PDE4B: variants seen among roughly 807,000 people sequenced by gnomAD.
PDE4B encodes 3',5'-cyclic-AMP phosphodiesterase 4B.
A neutral mutation model predicts 82.2 loss-of-function variants in PDE4B; 20 were observed. The observed-to-expected ratio is 0.24, with a 90% confidence interval of 0.17 to 0.35. The LOEUF is 0.35. Among genes scored for constraint, PDE4B ranks in the 10% least tolerant of loss-of-function variants. The pLI is 1.00. For missense variants in PDE4B, 655 were observed against 907.2 expected (o/e 0.72, Z 3.57); for synonymous variants, 320 against 318.9 (o/e 1.00, Z -0.04).
intron 3 of PDE4B, among the ~76,000 whole-genome samples, chr1:65,941,148 G>A (rs1157230095): frequency 6.6e-6 from 1 of 151,994 alleles, no homozygotes; most frequent in Non-Finnish European, 1.5e-5. Context: ...CCAGCAGACA[G>A]GTCCTAGAGG....
At chr1:65,815,401 A>G (rs1645871407) in intron 1 of PDE4B, among the ~76,000 whole-genome samples, 1 of 152,134 alleles carries the variant, frequency 6.6e-6, no homozygotes, top group African/African-American at 2.4e-5. Context: ...CAGTTTGGGA[A>G]TAGAAATTGA....
intron 1 of PDE4B, among the ~76,000 whole-genome samples, chr1:65,896,416 A>G (rs1646911371): frequency 6.6e-6 from 1 of 152,116 alleles, no homozygotes; most frequent in African/African-American, 2.4e-5. Flanking sequence ...CCCATGACAT[A>G]TGGGAATTAT....
chr1:66,082,952 C>G (rs945676817), intron 3 of PDE4B, among the ~76,000 whole-genome samples: 1 of 151,974 alleles, frequency 6.6e-6, no homozygotes, highest in African/African-American at 2.4e-5. Flanking sequence ...TAGGCTTGAC[C>G]TTTGACTCAT....
intron 3 of PDE4B, among the ~76,000 whole-genome samples, chr1:65,986,742 A>G (rs1356858713): frequency 6.6e-6 from 1 of 152,218 alleles, no homozygotes; most frequent in African/African-American, 2.4e-5. Context: ...AAATTTCAGG[A>G]GGAGTAAACA....
At chr1:65,881,623 A>T (rs899557678) in intron 1 of PDE4B, among the ~76,000 whole-genome samples, 1 of 152,132 alleles carries the variant, frequency 6.6e-6, no homozygotes, top group Admixed American at 6.6e-5. Context: ...TCTTGTCTAT[A>T]ATTGCCAATA....
intron 3 of PDE4B, among the ~76,000 whole-genome samples, chr1:66,165,515 TA>T (rs201763186): frequency 1.1e-4 from 16 of 150,312 alleles, no homozygotes; most frequent in South Asian, 2.1e-4. Context: ...ATACACAAAC[TA>T]AAAAAAAACT....
intron 3 of PDE4B, among the ~76,000 whole-genome samples, chr1:66,065,896 G>A (rs996545058): frequency 8.6e-5 from 13 of 151,782 alleles, no homozygotes; most frequent in Non-Finnish European, 1.3e-4. Flanking sequence ...TTAGTCCTCC[G>A]CTTAGGTGCT....
At chr1:66,336,891 G>A (rs1660564008) in intron 8 of PDE4B, among the ~76,000 whole-genome samples, 4 of 152,188 alleles carry the variant, frequency 2.6e-5, no homozygotes, top group Admixed American at 2.6e-4. Flanking sequence ...TCTTGGGTTT[G>A]CAGGATAAAG....
chr1:66,144,689 A>G (rs1411413114), intron 3 of PDE4B, among the ~76,000 whole-genome samples: 1 of 152,224 alleles, frequency 6.6e-6, no homozygotes, highest in Non-Finnish European at 1.5e-5. Context: ...TGAGCTCCAA[A>G]AGACTTCTGG....
chr1:66,087,881 G>C (rs938193201), intron 3 of PDE4B, among the ~76,000 whole-genome samples: 4 of 108,146 alleles, frequency 3.7e-5, no homozygotes, highest in East Asian at 3.3e-4. Context: ...GGTGGGGGGA[G>C]GGGGGAGGGA....
chr1:66,305,827 T>A (rs1658233912), intron 7 of PDE4B, among the ~76,000 whole-genome samples: 1 of 152,186 alleles, frequency 6.6e-6, no homozygotes, highest in African/African-American at 2.4e-5. Flanking sequence ...TTATCCTTCA[T>A]CTATCACAAG....
chr1:66,014,839 T>C (rs555867686), intron 3 of PDE4B, among the ~76,000 whole-genome samples: 3 of 152,168 alleles, frequency 2.0e-5, no homozygotes, highest in East Asian at 3.9e-4. Flanking sequence ...AATAAACAGC[T>C]CCCTAAAGCA....
chr1:66,312,725 A>G (rs1334104793), intron 7 of PDE4B, among the ~76,000 whole-genome samples: 1 of 152,194 alleles, frequency 6.6e-6, no homozygotes, highest in Non-Finnish European at 1.5e-5. Context: ...AGGATCAACA[A>G]ACTACAGCCC....
intron 8 of PDE4B, 141 bp downstream of exon 8, chr1:66,332,761 TC>T: frequency 1.4e-6 from 1 of 699,382 alleles, no homozygotes; most frequent in Non-Finnish European, 2.3e-6. Context: ...AAGATTCTCT[TC>T]CAAAGTGTCA....
intron 3 of PDE4B, among the ~76,000 whole-genome samples, chr1:66,013,221 AT>A (rs1652585763): frequency 6.6e-6 from 1 of 152,032 alleles, no homozygotes; most frequent in African/African-American, 2.4e-5. Context: ...TTACCTTAGG[AT>A]TTAATTAAGA....
chr1:66,123,562 C>T (rs1303932380), intron 3 of PDE4B, among the ~76,000 whole-genome samples: 2 of 151,592 alleles, frequency 1.3e-5, no homozygotes, highest in Non-Finnish European at 2.9e-5. Flanking sequence ...CCTTCCCTCC[C>T]TCTCTTATTC....
chr1:66,224,845 C>A (rs942191830), intron 3 of PDE4B, among the ~76,000 whole-genome samples: 1 of 152,214 alleles, frequency 6.6e-6, no homozygotes, highest in Non-Finnish European at 1.5e-5. Context: ...AAGTCACTCT[C>A]TTAGTCTCCA....
At chr1:66,097,509 A>C (rs1035722033) in intron 3 of PDE4B, among the ~76,000 whole-genome samples, 1 of 152,016 alleles carries the variant, frequency 6.6e-6, no homozygotes, top group Non-Finnish European at 1.5e-5. Context: ...TGGATATGAT[A>C]GTTTCTATTT....
Position 65,962,802 on chromosome 1 carries a change from A to G in PDE4B, c.281+43967A>G, listed in dbSNP as rs569106562. ...TGTCCTAGATCCCAGAGATCTTTCTATCCCAAAATTAGGGGGGCCATGTAA... is the reference window on the plus strand; with the variant it reads ...TGTCCTAGATCCCAGAGATCTTTCTGTCCCAAAATTAGGGGGGCCATGTAA... On this transcript the variant is annotated intron_variant, in intron 3 of 16. Coordinates refer to ENST00000341517, the MANE Select transcript of PDE4B (RefSeq NM_002600.4). Among the ~76,000 whole-genome samples the G allele has an allele frequency of 5.9e-5, 9 of 152,270 alleles. No individual in the cohort carries two copies. In the South Asian group the frequency reaches 1.9e-3, roughly 32 times the overall value.
Sources: allele counts gnomAD v4.1 joint callset (sites outside exome capture counted in the v4.1 genomes callset), GRCh38; gene constraint gnomAD v4.1.1; transcripts MANE v1.5; gene names NCBI Gene and HGNC (gene_info 2026-07-23, HGNC 2026-07-21).